ABL1: variants seen among roughly 807,000 people sequenced by gnomAD.
The protein encoded by ABL1 is tyrosine-protein kinase ABL1.
A neutral mutation model predicts 94.7 loss-of-function variants in ABL1; 11 were observed. The observed-to-expected ratio is 0.12, with a 90% confidence interval of 0.07 to 0.19. The LOEUF (loss-of-function observed/expected upper bound fraction) is 0.19. Ranked by LOEUF, ABL1 falls within the 10% of genes least tolerant of loss-of-function variation. The probability of loss-of-function intolerance (pLI) is 1.00; values close to 1 mark genes in which losing one functional copy is unlikely to be tolerated. For synonymous variants in ABL1, 656 were observed against 622.4 expected, an observed-to-expected ratio of 1.05 and a Z score of -0.80; for missense variants, 1,082 against 1,489.4, an observed-to-expected ratio of 0.73 and a Z score of 4.50.
At chr9:130,882,157 A>G (rs1831468111) in intron 10 of ABL1, among the ~76,000 whole-genome samples, 1 of 152,046 alleles carries the variant, frequency 6.6e-6, no homozygotes, top group African/African-American at 2.4e-5. Flanking sequence ...TAGGGAGGAG[A>G]GGCCTCTGGG....
intron 1 of ABL1, among the ~76,000 whole-genome samples, chr9:130,842,746 T>C (rs1482919099): frequency 1.3e-5 from 2 of 152,188 alleles, no homozygotes; most frequent in Non-Finnish European, 2.9e-5. Context: ...AGGGGAGGCC[T>C]TTCAGTCTGT....
chr9:130,788,736 A>G (rs1343287471), intron 1 of ABL1, among the ~76,000 whole-genome samples: 4 of 152,148 alleles, frequency 2.6e-5, no homozygotes, highest in Admixed American at 6.5e-5. Context: ...ATGTTTTTCA[A>G]TTTTGGCTGG....
chr9:130,818,971 G>A (rs1378109755), intron 1 of ABL1, among the ~76,000 whole-genome samples: 5 of 152,110 alleles, frequency 3.3e-5, no homozygotes. Context: ...TTATTATTGA[G>A]TTTTTCTGGC....
At chr9:130,781,167 A>G (rs189274133) in intron 1 of ABL1, among the ~76,000 whole-genome samples, 2 of 152,360 alleles carry the variant, frequency 1.3e-5, no homozygotes, top group African/African-American at 2.4e-5. Flanking sequence ...CATTCTTCCT[A>G]TGACTTCATT....
chr9:130,764,569 C>G (rs1263885796), intron 1 of ABL1, among the ~76,000 whole-genome samples: 1 of 152,138 alleles, frequency 6.6e-6, no homozygotes, highest in Admixed American at 6.5e-5. Flanking sequence ...CGTGGTGGCA[C>G]TGTGTTTTCT....
At chr9:130,734,702 A>G (rs1032085150) in intron 1 of ABL1, among the ~76,000 whole-genome samples, 3 of 151,488 alleles carry the variant, frequency 2.0e-5, no homozygotes, top group African/African-American at 7.3e-5. Flanking sequence ...TTGTATTTTT[A>G]GTAGAGACAG....
At position 130,854,955 on chromosome 9, in the gene ABL1, C is replaced by T. The variant is rs770132360; in HGVS notation, c.408C>T (p.Ala136=). 3.0e-5 allele frequency: 49 copies of T among 1,614,092 alleles called. No homozygotes were observed. Among genetic ancestry groups the T allele is most frequent in the East Asian group, 2.2e-4 (10 of 44,900 alleles). Residue 136 remains alanine, a synonymous_variant, in exon 3 of 11, where the codon GCC becomes GCT. Coordinates refer to ENST00000318560, the MANE Select transcript of ABL1 (RefSeq NM_005157.6). ...ACCATGGGCCTGTGTCCCGCAATGC[C>T]GCTGAGTATCTGCTGAGCAGCGGGA... ...SWYHGPVSRN[A]AEYLLSSGIN...
At chr9:130,725,773 A>G (rs1831573389) in intron 1 of ABL1, among the ~76,000 whole-genome samples, 1 of 145,994 alleles carries the variant, frequency 6.8e-6, no homozygotes, top group South Asian at 2.1e-4. Context: ...GTGTGTATAT[A>G]TATATACACA....
chr9:130,824,611 G>C (rs1324627159), intron 1 of ABL1, among the ~76,000 whole-genome samples: 1 of 152,156 alleles, frequency 6.6e-6, no homozygotes, highest in African/African-American at 2.4e-5. Flanking sequence ...TTGCTGTAAA[G>C]AATACAGATC....
rs1421873855 is a variant in ABL1 at position 130,885,751 on chromosome 9, C to G, written c.*68C>G. On this transcript the variant is annotated 3_prime_UTR_variant, in exon 11 of 11. Coordinates refer to ENST00000318560, the MANE Select transcript of ABL1 (RefSeq NM_005157.6). ...CAGCACATGCGGGCTCGCCCATACC[C>G]GTGACAGTGGCTGACAAGGGACTAG... The G allele has an allele frequency of 1.1e-5, 17 of 1,528,756 alleles. No homozygotes were observed. The Admixed American group carries it at 3.4e-4, about 31-fold the overall frequency. The allele number at this position is 1,528,756 out of a possible 1,614,324, so 94.7% of individuals were successfully genotyped here. A position where few individuals can be genotyped will look rare whatever the true frequency, so the allele number is the denominator to read the frequency against.
At chr9:130,732,748 A>G (rs1229817797) in intron 1 of ABL1, among the ~76,000 whole-genome samples, 1 of 150,084 alleles carries the variant, frequency 6.7e-6, no homozygotes, top group African/African-American at 2.5e-5. Context: ...TTTAGGATGT[A>G]TATGGGAAGC....
At chr9:130,853,015 C>T (rs34235080) in intron 1 of ABL1, among the ~76,000 whole-genome samples, 7,993 of 151,988 alleles carry the variant, frequency 0.053, 213 homozygotes, top group Admixed American at 0.082. Context: ...TGAAGGTGTG[C>T]GTCTGTTACG....
chr9:130,885,191 G>A lies in ABL1; in HGVS notation c.2901G>A (p.Gln967=). The A allele has an allele frequency of 1.9e-6, 3 of 1,613,534 alleles. 1 individual carries two copies. Among genetic ancestry groups the A allele is most frequent in the South Asian group, 2.2e-5 (2 of 91,084 alleles). The change falls in exon 11 of 11, where the codon CAG becomes CAA. Residue 967 remains glutamine, a synonymous_variant. Coordinates refer to ENST00000318560, the MANE Select transcript of ABL1 (RefSeq NM_005157.6). ...TGCTCCCGGCCACTCCAAAGCCACA[G>A]TCCGCCAAGCCGTCGGGGACCCCCA... The part of the protein sequence containing the change: ...KPVLPATPKP[Q]SAKPSGTPIS...
chr9:130,821,530 T>C (rs186017991), intron 1 of ABL1, among the ~76,000 whole-genome samples: 2 of 152,342 alleles, frequency 1.3e-5, no homozygotes, highest in African/African-American at 2.4e-5. Flanking sequence ...TATTCACTAG[T>C]TGGTGAACAT....
At chr9:130,836,549 C>T (rs1228351264) in intron 1 of ABL1, among the ~76,000 whole-genome samples, 1 of 152,006 alleles carries the variant, frequency 6.6e-6, no homozygotes, top group Non-Finnish European at 1.5e-5. Context: ...TGTGGCCGGG[C>T]GCGGTGGCTC....
At chr9:130,847,941 T>A (rs887927162) in intron 1 of ABL1, among the ~76,000 whole-genome samples, 8 of 152,202 alleles carry the variant, frequency 5.3e-5, no homozygotes, top group African/African-American at 1.2e-4. Flanking sequence ...CCAGGTGTTT[T>A]CCAGGCCACT....
chr9:130,818,255 A>G (rs1257344284), intron 1 of ABL1, among the ~76,000 whole-genome samples: 1 of 152,188 alleles, frequency 6.6e-6, no homozygotes, highest in Non-Finnish European at 1.5e-5. Context: ...GGATCACTTG[A>G]GGCCAGGAGA....
chr9:130,819,087 C>T (rs1462407683), intron 1 of ABL1, among the ~76,000 whole-genome samples: 1 of 152,172 alleles, frequency 6.6e-6, no homozygotes, highest in African/African-American at 2.4e-5. Context: ...GGCGCGATGG[C>T]TCATGCCTCT....
At chr9:130,844,249 C>T (rs941376215) in intron 1 of ABL1, among the ~76,000 whole-genome samples, 1 of 152,118 alleles carries the variant, frequency 6.6e-6, no homozygotes, top group Non-Finnish European at 1.5e-5. Flanking sequence ...AAGGGGGACC[C>T]AGCCAAGGGC....
Sources: gnomAD v4.1 joint callset for allele counts (sites outside exome capture counted in the v4.1 genomes callset) on GRCh38, gnomAD v4.1.1 for gene constraint, MANE v1.5 for transcripts, NCBI Gene and HGNC (gene_info 2026-07-23, HGNC 2026-07-21) for gene names.